USP34: variants seen among roughly 807,000 people sequenced by gnomAD.
The protein encoded by USP34 is ubiquitin carboxyl-terminal hydrolase 34.
A neutral mutation model predicts 460.3 loss-of-function variants in USP34; 70 were observed. The observed-to-expected ratio is 0.15, with a 90% CI of 0.13 to 0.19. USP34 has a LOEUF of 0.19. Ranked by LOEUF, USP34 falls within the 10% of genes least tolerant of loss-of-function variation. USP34 has a pLI of 1.00. For synonymous variants in USP34, 1,647 were observed against 1,405.3 expected, an observed-to-expected ratio of 1.17 and a Z score of -3.85; for missense variants, 3,985 against 4,236.2, an observed-to-expected ratio of 0.94 and a Z score of 1.65.
intron 75 of USP34, among the ~76,000 whole-genome samples, chr2:61,198,413 A>T (rs559955895): frequency 2.6e-5 from 4 of 152,190 alleles, no homozygotes; most frequent in Admixed American, 2.0e-4. Flanking sequence ...TTTACCCATT[A>T]CAACCAAAGT....
chr2:61,438,746 C>G (rs1010531056), intron 1 of USP34, among the ~76,000 whole-genome samples: 1 of 152,184 alleles, frequency 6.6e-6, no homozygotes, highest in Admixed American at 6.5e-5. Flanking sequence ...AGCTTTTCCT[C>G]CAGTAACTGT....
chr2:61,410,459 T>C (rs1694004473), intron 2 of USP34, among the ~76,000 whole-genome samples: 2 of 152,224 alleles, frequency 1.3e-5, no homozygotes, highest in African/African-American at 2.4e-5. Flanking sequence ...CACTCACTCA[T>C]CTGCCCTTCA....
intron 29 of USP34, 46 bp downstream of exon 29, chr2:61,300,905 T>C (rs762907499): frequency 2.2e-5 from 30 of 1,363,914 alleles, no homozygotes; most frequent in Non-Finnish European, 3.1e-5. Flanking sequence ...CTATATCCTC[T>C]CAACAGAGAC....
At chr2:61,275,476 T>C (rs1689344973) in intron 41 of USP34, among the ~76,000 whole-genome samples, 1 of 151,614 alleles carries the variant, frequency 6.6e-6, no homozygotes, top group African/African-American at 2.4e-5. Flanking sequence ...ATAAATAAAT[T>C]AGCTGGGTGT....
chr2:61,239,024 G>A (rs899798886), intron 53 of USP34, among the ~76,000 whole-genome samples: 2 of 151,384 alleles, frequency 1.3e-5, no homozygotes, highest in African/African-American at 2.4e-5. Flanking sequence ...TATGATTTTT[G>A]ATGTTACTGT....
intron 1 of USP34, among the ~76,000 whole-genome samples, chr2:61,427,770 T>C (rs1694553586): frequency 6.6e-6 from 1 of 152,116 alleles, no homozygotes; most frequent in South Asian, 2.1e-4. Context: ...ACACAGACTA[T>C]TTGAAAACAC....
intron 27 of USP34, among the ~76,000 whole-genome samples, chr2:61,304,435 A>C (rs1444229559): frequency 6.6e-6 from 1 of 152,212 alleles, no homozygotes; most frequent in African/African-American, 2.4e-5. Flanking sequence ...GTTTGAATAT[A>C]AGTGTTCCCC....
chr2:61,233,843 TAA>T (rs11302574), intron 57 of USP34, among the ~76,000 whole-genome samples: 273 of 140,028 alleles, frequency 1.9e-3, no homozygotes, highest in Admixed American at 2.5e-3. Context: ...ACTCTGGGGG[TAA>T]AAAAAAAAAA....
chr2:61,277,780 T>C lies in USP34; in HGVS notation c.5433+385A>G, dbSNP rs145516937. ...TGAATTATATTGCCTATAATTCCCA[T>C]TGTTGTGGGAGGGACCTGGTGGGAG... is the stretch of plus-strand genomic sequence containing the variant. On this transcript the variant is annotated intron_variant, in intron 41 of 79. Transcript: ENST00000398571. 9.0e-3 allele frequency: 1,502 copies of C among 166,206 alleles called. 14 individuals are homozygous for C. Among genetic ancestry groups the C allele is most frequent in the Non-Finnish European group, 0.014 (1,077 of 77,474 alleles). 10.3% of individuals were successfully genotyped at this position (166,206 alleles called of 1,614,324 possible).
rs191603191 is a variant in USP34 at position 61,395,355 on chromosome 2, G to C, written c.553-122C>G. The C allele has an allele frequency of 1.1e-4, 69 of 644,300 alleles. No homozygotes were observed. In the African/African-American group the frequency reaches 1.1e-3, roughly 11 times the overall value. 39.9% of individuals were successfully genotyped at this position (644,300 alleles called of 1,614,324 possible). A position where few individuals can be genotyped will look rare whatever the true frequency, so the allele number is the denominator to read the frequency against. Reference sequence around the variant, plus strand: ...AACAGATTATTTTGCAATTACTCCTGATAAGCAGTGATACTCCTAACTGAA... The same window carrying C: ...AACAGATTATTTTGCAATTACTCCTCATAAGCAGTGATACTCCTAACTGAA... On this transcript the variant is annotated intron_variant, in intron 3 of 79. Coordinates refer to ENST00000398571, the MANE Select transcript of USP34 (RefSeq NM_014709.4).
chr2:61,459,086 C>A (rs1188758595), intron 1 of USP34, among the ~76,000 whole-genome samples: 2 of 152,084 alleles, frequency 1.3e-5, no homozygotes, highest in African/African-American at 4.8e-5. Context: ...AAAAACAAAT[C>A]TTGCCTAATC....
intron 33 of USP34, among the ~76,000 whole-genome samples, chr2:61,291,652 CA>C (rs1411794009): frequency 2.0e-5 from 3 of 152,088 alleles, no homozygotes; most frequent in African/African-American, 7.2e-5. Context: ...TCAACAGACA[CA>C]TGAAAAGCTG....
At chr2:61,377,748 T>C (rs1201195725) in intron 8 of USP34, among the ~76,000 whole-genome samples, 1 of 152,214 alleles carries the variant, frequency 6.6e-6, no homozygotes, top group East Asian at 1.9e-4. Flanking sequence ...CAGTACTTTG[T>C]TACAGCAGCC....
intron 6 of USP34, among the ~76,000 whole-genome samples, chr2:61,382,738 TTTAAG>T (rs1037897868): frequency 1.2e-4 from 19 of 152,338 alleles, no homozygotes; most frequent in Admixed American, 3.3e-4. Flanking sequence ...AGGCTTCCTT[TTTAAG>T]TTGAGACTTA....
At chr2:61,385,358 G>A (rs879444879) in intron 5 of USP34, among the ~76,000 whole-genome samples, 53 of 152,014 alleles carry the variant, frequency 3.5e-4, no homozygotes, top group Admixed American at 3.4e-3. Flanking sequence ...AAAGCACAAA[G>A]GTCCAAGAAT....
chr2:61,277,242 T>C (rs1033399326), intron 41 of USP34, among the ~76,000 whole-genome samples: 2 of 151,628 alleles, frequency 1.3e-5, no homozygotes, highest in African/African-American at 4.8e-5. Context: ...GTTACCTTTT[T>C]TTTTTTTTTT....
intron 1 of USP34, among the ~76,000 whole-genome samples, chr2:61,430,238 A>C (rs991890548): frequency 1.6e-5 from 1 of 61,566 alleles, no homozygotes; most frequent in Non-Finnish European, 3.9e-5. Context: ...AAAGAAAAGA[A>C]AAAAAAAATA....
rs763478684 is a variant in USP34 at position 61,339,675 on chromosome 2, A to T, written c.2507T>A (p.Val836Glu). ...IYHEHLSQGPVVHKHQFNSNA... is the reference protein window; with the variant it reads ...IYHEHLSQGPEVHKHQFNSNA... The stretch of plus-strand genomic sequence containing the variant: ...ACTGTTGAATTGATGTTTATGAACT[A>T]CAGGTCCTGAAGAGAAAAAAAAAAA... The change falls in exon 17 of 80, where the codon GTA (valine) becomes GAA (glutamate). Residue 836 changes from valine to glutamate, a missense_variant. Transcript: ENST00000398571. 7 of 1,497,234 alleles carry T rather than the reference A, an allele frequency of 4.7e-6. No individual in the cohort carries two copies. The highest frequency in any genetic ancestry group is 6.2e-6 in the Non-Finnish European group (7 of 1,126,722). 92.7% of individuals were successfully genotyped at this position (1,497,234 alleles called of 1,614,324 possible). A position where few individuals can be genotyped will look rare whatever the true frequency, so the allele number is the denominator to read the frequency against.
rs1224560909 is a variant in USP34, at chr2:61,314,714, A to C, written c.3413T>G (p.Phe1138Cys). The C allele has an allele frequency of 6.3e-7, 1 of 1,587,790 alleles. No homozygotes were observed. Among genetic ancestry groups the C allele is most frequent in the Non-Finnish European group, 8.5e-7 (1 of 1,171,312 alleles). The change falls in exon 25 of 80, where the codon TTT (phenylalanine) becomes TGT (cysteine). Residue 1138 changes from phenylalanine (F) to cysteine (C), a missense_variant. Phe to Cys is a radical substitution (Grantham distance 205). This residue lies in a region of USP34 where 1,114 missense variants were observed against 1,122.5 expected (regional missense o/e 0.99). Coordinates refer to ENST00000398571, the MANE Select transcript of USP34 (RefSeq NM_014709.4). Reference sequence around the variant, plus strand: ...AAGACTCTCCATGCACTTACTAATAAATTCTTGCTCCTTCTCCAAACCTGT... The same window carrying C: ...AAGACTCTCCATGCACTTACTAATACATTCTTGCTCCTTCTCCAAACCTGT... ...GKTGLEKEQEFISKCMESLMI... is the reference protein window; with the variant it reads ...GKTGLEKEQECISKCMESLMI...
Sources: gnomAD v4.1 joint callset for allele counts (sites outside exome capture counted in the v4.1 genomes callset) on GRCh38, gnomAD v4.1.1 for gene constraint, gnomAD v4.1.1 regional missense constraint, MANE v1.5 for transcripts, NCBI Gene and HGNC (gene_info 2026-07-23, HGNC 2026-07-21) for gene names.